NUAK2: variants seen among roughly 807,000 people sequenced by gnomAD.
NUAK2 encodes the protein NUAK family kinase 2.
In NUAK2, 20 loss-of-function variants were observed where a neutral mutation model predicts 29.8. The observed-to-expected ratio is 0.67, with a 90% CI of 0.47 to 0.98. NUAK2 has a LOEUF of 0.98. NUAK2 is among the 50% of genes least tolerant of loss of function. NUAK2 has a pLI of 0.00. For missense variants in NUAK2, 719 were observed against 834.5 expected, an observed-to-expected ratio of 0.86 and a Z score of 1.71; for synonymous variants, 331 against 342.6, an observed-to-expected ratio of 0.97 and a Z score of 0.37.
intron 1 of NUAK2, among the ~76,000 whole-genome samples, chr1:205,319,994 T>G (rs933042394): frequency 6.6e-6 from 1 of 151,498 alleles, no homozygotes; most frequent in African/African-American, 2.4e-5. Flanking sequence ...CAAAACATAA[T>G]AATGCCTAAA....
intron 5 of NUAK2, among the ~76,000 whole-genome samples, chr1:205,305,782 G>A (rs1006923521): frequency 2.0e-5 from 3 of 152,138 alleles, no homozygotes; most frequent in African/African-American, 7.2e-5. Context: ...CATGATCCTG[G>A]CTCACTGCAA....
chr1:205,308,640 C>T lies in NUAK2; in HGVS notation c.445G>A (p.Glu149Lys). Residue 149 changes from glutamate to lysine, a missense_variant, in exon 3 of 7, where the codon GAG (glutamate) becomes AAG (lysine). By Grantham distance (56) the Glu-to-Lys change is moderately conservative (BLOSUM62 1). This residue lies in a region of NUAK2 where 283 missense variants were observed against 345.6 expected (regional missense o/e 0.82). Coordinates refer to ENST00000367157, the MANE Select transcript of NUAK2 (RefSeq NM_030952.3). This position sits in a 1 kb window ranked among gnomAD's most constrained non-coding sequence, Gnocchi z 4.1. ...CGGAAGAAATGCCTAGCTTCGCGCT[C>T]ACTGAGCTGCTGCCGCTCGCTGATG... Reference protein sequence around the residue: ...DYISERQQLSEREARHFFRQI... With the variant: ...DYISERQQLSKREARHFFRQI... 6.2e-7 allele frequency: 1 copy of T among 1,614,142 alleles called. No individual in the cohort carries two copies. Among genetic ancestry groups the T allele is most frequent in the Non-Finnish European group, 8.5e-7 (1 of 1,180,036 alleles).
chr1:205,321,322 C>T (rs1662413441), intron 1 of NUAK2, 76 bp downstream of exon 1: 3 of 1,324,204 alleles, frequency 2.3e-6, no homozygotes, highest in East Asian at 5.1e-5. Flanking sequence ...GAGCGAGCCG[C>T]CGCCCGCCCT....
intron 1 of NUAK2, 23 bp downstream of exon 1, chr1:205,321,375 C>T (rs903053594): frequency 3.3e-5 from 52 of 1,592,190 alleles, no homozygotes; most frequent in Non-Finnish European, 4.1e-5. Context: ...CCGCCCCGCG[C>T]CGCGAGAGGG....
intron 1 of NUAK2, among the ~76,000 whole-genome samples, chr1:205,317,448 C>A (rs142214524): frequency 6.6e-6 from 1 of 152,170 alleles, no homozygotes; most frequent in Non-Finnish European, 1.5e-5. Flanking sequence ...GCTGGGTTGG[C>A]CCAGGCTGGG....
rs779992365 is a variant in NUAK2 at position 205,305,249 on chromosome 1, A to G, written c.773T>C (p.Leu258Pro). The change falls in exon 6 of 7, where the codon CTA (leucine) becomes CCA (proline). Residue 258 changes from leucine (L) to proline (P), a missense_variant. This residue lies in a region of NUAK2 where 283 missense variants were observed against 345.6 expected (regional missense o/e 0.82). Transcript: ENST00000367157. ...GGCCCCGTTGCTGATCTGTTTCACT[A>G]GGATCTTATGGTCATGCCCATCAAA... ...MPFDGHDHKI[L>P]VKQISNGAYR... The G allele has an allele frequency of 2.5e-6, 4 of 1,614,088 alleles. No individual in the cohort carries two copies. In the African/African-American group the frequency reaches 5.3e-5, roughly 22 times the overall value.
At position 205,311,821 on chromosome 1, in the gene NUAK2, G is replaced by T. The variant is rs1311760335; in HGVS notation, c.236C>A (p.Ala79Asp). The T allele has an allele frequency of 6.2e-7, 1 of 1,613,798 alleles. No homozygotes were observed. Among genetic ancestry groups the T allele is most frequent in the South Asian group, 1.1e-5 (1 of 91,062 alleles). Residue 79 changes from alanine (A) to aspartate (D), a missense_variant, in exon 2 of 7, where the codon GCC (alanine) becomes GAC (aspartate). Physicochemically the swap from Ala to Asp is moderately radical, Grantham distance 126. Around this residue, in one of 3 missense-constraint regions of NUAK2, gnomAD observed 283 missense variants for 345.6 expected, o/e 0.82. Coordinates refer to ENST00000367157, the MANE Select transcript of NUAK2 (RefSeq NM_030952.3). ...KARESSGRLV[A>D]IKSIRKDKIK... ...TTTGTCCTTCCGGATTGACTTGATG[G>T]CCACCTGGGAAGAGAAGGCATGAGA...
At chr1:205,320,747 A>G (rs1378595572) in intron 1 of NUAK2, among the ~76,000 whole-genome samples, 1 of 152,210 alleles carries the variant, frequency 6.6e-6, no homozygotes. Context: ...GCTCGCACCA[A>G]AGTAACAGGG....
intron 1 of NUAK2, among the ~76,000 whole-genome samples, chr1:205,314,779 G>GT (rs1224248812): frequency 1.3e-5 from 2 of 152,176 alleles, no homozygotes; most frequent in African/African-American, 4.8e-5. Context: ...AACTTAAGAT[G>GT]TACGCATAGG....
At chr1:205,305,138 C>T in intron 6 of NUAK2, 61 bp downstream of exon 6, 1 of 1,580,480 alleles carries the variant, frequency 6.3e-7, no homozygotes, top group Non-Finnish European at 8.6e-7. Context: ...GTAGTTTCTG[C>T]CTTAGGAATG....
intron 1 of NUAK2, among the ~76,000 whole-genome samples, chr1:205,315,296 G>A (rs556362999): frequency 6.6e-6 from 1 of 152,344 alleles, no homozygotes; most frequent in South Asian, 2.1e-4. Flanking sequence ...GCTATCTGCT[G>A]GCTAGCCTGT....
At chr1:205,313,666 G>GT (rs113409236) in intron 1 of NUAK2, among the ~76,000 whole-genome samples, 453 of 146,494 alleles carry the variant, frequency 3.1e-3, no homozygotes, top group African/African-American at 4.8e-3. Context: ...AGAGCCTCGG[G>GT]TTTTTTTTTT....
Position 205,306,270 on chromosome 1 carries a change from C to T in NUAK2, c.608G>A (p.Gly203Asp), listed in dbSNP as rs767094886. Residue 203 changes from glycine (G) to aspartate (D), a missense_variant, in exon 5 of 7, where the codon GGC becomes GAC. This residue lies in a region of NUAK2 where 283 missense variants were observed against 345.6 expected (regional missense o/e 0.82). Transcript: ENST00000367157. ...DFGLSNLYHQ[G>D]KFLQTFCGSP... Reference sequence around the variant, plus strand: ...CCCACAGAATGTCTGCAGGAACTTGCCTTGATGGTAGAGGTTGGAGAGACC... The same window carrying T: ...CCCACAGAATGTCTGCAGGAACTTGTCTTGATGGTAGAGGTTGGAGAGACC... 1.2e-6 allele frequency: 2 copies of T among 1,613,848 alleles called. No homozygotes were observed. Among genetic ancestry groups the T allele is most frequent in the Non-Finnish European group, 1.7e-6 (2 of 1,179,898 alleles).
In NUAK2 at chr1:205,309,349, C is replaced by T. The variant is rs956161365; in HGVS notation, c.353-617G>A. Among the ~76,000 whole-genome samples, 14 of 152,264 alleles carry T rather than the reference C, an allele frequency of 9.2e-5. No individual in the cohort carries two copies. In the Middle Eastern group the frequency reaches 0.01, roughly 111 times the overall value. ...ACAGTTATTTCTTTATTTATTGAGA[C>T]AGAGTCTCGCTCTGTCACCTAGGCT... On this transcript the variant is annotated intron_variant, in intron 2 of 6. Coordinates refer to ENST00000367157, the MANE Select transcript of NUAK2 (RefSeq NM_030952.3).
chr1:205,314,107 C>T (rs897252670), intron 1 of NUAK2, among the ~76,000 whole-genome samples: 5 of 152,240 alleles, frequency 3.3e-5, no homozygotes, highest in Admixed American at 6.5e-5. Context: ...CTGTGTTCTC[C>T]ATCGGACAAG....
chr1:205,321,570 G>T lies in NUAK2; in HGVS notation c.59C>A (p.Ala20Asp). 1.2e-6 allele frequency: 2 copies of T among 1,613,428 alleles called. No individual in the cohort carries two copies. The highest frequency in any genetic ancestry group is 8.5e-7 in the Non-Finnish European group (1 of 1,179,878). The change falls in exon 1 of 7, where the codon GCC becomes GAC. Residue 20 changes from alanine (A) to aspartate (D), a missense_variant. Transcript: ENST00000367157. ...GATCAGCCCTTCCGCCAGCGGCCGGGCTAGCTCTGCGGCCGAGGGAGTGGG... is the reference window on the plus strand; with the variant it reads ...GATCAGCCCTTCCGCCAGCGGCCGGTCTAGCTCTGCGGCCGAGGGAGTGGG... ...SGPTPSAAEL[A>D]RPLAEGLIKS...
At chr1:205,306,363 C>A (rs768902536) in intron 4 of NUAK2, 56 bp from the exon 5 acceptor site, 5 of 1,559,422 alleles carry the variant, frequency 3.2e-6, no homozygotes, top group South Asian at 1.2e-5. Context: ...GGTTTTTCTG[C>A]AGCTCTTGGC....
In NUAK2 at chr1:205,304,410, G is replaced by A; in HGVS notation, c.927C>T (p.Thr309=). 2 of 1,600,266 alleles carry A rather than the reference G, an allele frequency of 1.2e-6. No individual in the cohort carries two copies. Among genetic ancestry groups the A allele is most frequent in the Non-Finnish European group, 1.7e-6 (2 of 1,171,956 alleles). The change falls in exon 7 of 7, where the codon ACC becomes ACT. Residue 309 remains threonine, a synonymous_variant. Coordinates refer to ENST00000367157, the MANE Select transcript of NUAK2 (RefSeq NM_030952.3). This position sits in a 1 kb window ranked among gnomAD's most constrained non-coding sequence, Gnocchi z 6.5. ...GCGGAGCCTCCTGCTCTCCCACTCG[G>A]GTGGCGTAGCCCCAGTTGACCCACC... The part of the protein sequence containing the change: ...SHWWVNWGYA[T]RVGEQEAPHE...
At position 205,308,776 on chromosome 1, in the gene NUAK2, A is replaced by G. The variant is rs1458157659; in HGVS notation, c.353-44T>C. The G allele has an allele frequency of 6.2e-7, 1 of 1,602,528 alleles. No individual in the cohort carries two copies. The highest frequency in any genetic ancestry group is 8.5e-7 in the Non-Finnish European group (1 of 1,172,966). On this transcript the variant is annotated intron_variant, in intron 2 of 6. Coordinates refer to ENST00000367157, the MANE Select transcript of NUAK2 (RefSeq NM_030952.3). This position sits in a 1 kb window ranked among gnomAD's most constrained non-coding sequence, Gnocchi z 4.1. ...GGAACGTCAGGCCCTCCCAGAGTGC[A>G]CTGCTCTCCACTGGGGGTGACTCAC...
Sources: gnomAD v4.1 joint callset for allele counts (sites outside exome capture counted in the v4.1 genomes callset) on GRCh38, gnomAD v4.1.1 for gene constraint, gnomAD v4.1.1 regional missense constraint, Gnocchi (gnomAD v3.1) non-coding constraint, MANE v1.5 for transcripts, NCBI Gene and HGNC (gene_info 2026-07-23, HGNC 2026-07-21) for gene names.